The following CLVS1 variants were observed in gnomAD, a reference collection of about 807,000 sequenced individuals.
CLVS1 encodes the protein clavesin-1.
Under a neutral mutation model 33.1 loss-of-function variants are expected in CLVS1, and 10 were observed. The observed-to-expected ratio is 0.30, with a 90% CI of 0.19 to 0.51. The LOEUF is 0.51. Ranked by LOEUF, CLVS1 falls within the 20% of genes least tolerant of loss-of-function variation. The probability of loss-of-function intolerance (pLI) is 0.97; values close to 1 mark genes in which losing one functional copy is unlikely to be tolerated. For synonymous variants in CLVS1, 163 were observed against 166.1 expected, an observed-to-expected ratio of 0.98 and a Z score of 0.14; for missense variants, 343 against 433.4, an observed-to-expected ratio of 0.79 and a Z score of 1.85.
chr8:61,431,304 T>C (rs1457819173), intron 3 of CLVS1, among the ~76,000 whole-genome samples: 1 of 152,218 alleles, frequency 6.6e-6, no homozygotes, highest in Non-Finnish European at 1.5e-5. Context: ...ACAGATTTCT[T>C]GTGTAAGAGA....
intron 3 of CLVS1, among the ~76,000 whole-genome samples, chr8:61,425,810 A>T (rs1815869815): frequency 6.6e-6 from 1 of 152,206 alleles, no homozygotes; most frequent in East Asian, 1.9e-4. Context: ...GAGGGAGAGT[A>T]GACAGTTCCA....
rs570520181 is a variant in CLVS1 at position 61,280,155 on chromosome 8, CT to C, written c.-151-19518del. On this transcript the variant is annotated intron_variant, in intron 2 of 2. Transcript: ENST00000522621. ...ATCTTCTACATTAGATAAATTTGTTCTTTTGGAATTCAAAATGATGTCGAAT... is the reference window on the plus strand; with the variant it reads ...ATCTTCTACATTAGATAAATTTGTTCTTTGGAATTCAAAATGATGTCGAAT... 1.2e-4 allele frequency among the ~76,000 whole-genome samples: 18 copies of C among 152,234 alleles called. No individual in the cohort carries two copies. The South Asian group carries it at 3.5e-3, about 30-fold the overall frequency.
chr8:61,399,057 G>T (rs1430181459), intron 3 of CLVS1, among the ~76,000 whole-genome samples: 1 of 152,106 alleles, frequency 6.6e-6, no homozygotes, highest in East Asian at 1.9e-4. Flanking sequence ...ATTCCTTTGG[G>T]TATATACCCA....
intron 1 of CLVS1, among the ~76,000 whole-genome samples, chr8:61,073,969 G>A (rs1425508411): frequency 1.5e-5 from 2 of 136,116 alleles, no homozygotes; most frequent in African/African-American, 2.9e-5. Flanking sequence ...CCAAGATCGC[G>A]CCACTGCACT....
chr8:61,054,260 G>T (rs967943316), upstream of CLVS1, among the ~76,000 whole-genome samples: 7 of 152,220 alleles, frequency 4.6e-5, no homozygotes, highest in African/African-American at 1.7e-4. Context: ...AGCAGCCTCT[G>T]ACGCAGGCCT....
chr8:61,438,902 G>A (rs994404530), intron 3 of CLVS1, among the ~76,000 whole-genome samples: 1 of 152,156 alleles, frequency 6.6e-6, no homozygotes, highest in African/African-American at 2.4e-5. Context: ...TGCATACTAA[G>A]TGACCAGTAA....
rs572579385 is a variant in CLVS1, at chr8:61,305,254, T to C, written c.455+4972T>C. The stretch of plus-strand genomic sequence containing the variant: ...AAATATATATATATATAATTTAATA[T>C]CTTTTCCATTTTTTAGCGTACAGTT... On this transcript the variant is annotated intron_variant, in intron 2 of 5. Transcript: ENST00000325897. Among the ~76,000 whole-genome samples the C allele has an allele frequency of 5.7e-4, 87 of 152,128 alleles. 1 individual carries two copies. Among genetic ancestry groups the C allele is most frequent in the Middle Eastern group, 6.8e-3 (2 of 294 alleles).
At chr8:60,967,206 A>G in the CLVS1 span, among the ~76,000 whole-genome samples, 1 of 152,248 alleles carries the variant, frequency 6.6e-6, no homozygotes, top group South Asian at 2.1e-4. Flanking sequence ...TGGAACATGC[A>G]AGAGCATAGG....
chr8:61,025,368 T>C, the CLVS1 span, among the ~76,000 whole-genome samples: 1 of 152,258 alleles, frequency 6.6e-6, no homozygotes, highest in Non-Finnish European at 1.5e-5. Context: ...AAGATCATTC[T>C]ACTCTTCAAG....
intron 1 of CLVS1, among the ~76,000 whole-genome samples, chr8:61,067,414 G>T (rs1804702670): frequency 6.7e-6 from 1 of 148,362 alleles, no homozygotes; most frequent in Admixed American, 6.8e-5. Flanking sequence ...ATATATGTGA[G>T]TATATATACT....
intron 2 of CLVS1, among the ~76,000 whole-genome samples, chr8:61,304,333 G>A (rs1377625601): frequency 6.6e-6 from 1 of 152,238 alleles, no homozygotes; most frequent in Non-Finnish European, 1.5e-5. Context: ...GGTTCAACAT[G>A]GCAACCGAGG....
rs28410763 is a variant in CLVS1, at chr8:61,452,834, A to T, written c.631-1307A>T. The stretch of plus-strand genomic sequence containing the variant: ...AAATGTCTAGGTAGAGGAAAAAATT[A>T]TTTTTAAAGTTTTTCAAATGGCAAC... On this transcript the variant is annotated intron_variant, in intron 3 of 5. Coordinates refer to ENST00000325897, the MANE Select transcript of CLVS1 (RefSeq NM_173519.3). 6.2e-3 allele frequency among the ~76,000 whole-genome samples: 941 copies of T among 152,336 alleles called. 14 individuals are homozygous for T. Among genetic ancestry groups the T allele is most frequent in the African/African-American group, 0.021 (883 of 41,566 alleles).
At chr8:61,385,010 G>T (rs1291493817) in intron 3 of CLVS1, among the ~76,000 whole-genome samples, 2 of 152,086 alleles carry the variant, frequency 1.3e-5, no homozygotes, top group East Asian at 1.9e-4. Flanking sequence ...GGGTTGAAGT[G>T]GGGTAGAGAA....
rs1308792312 is a variant in CLVS1, at chr8:61,156,849, A to G, written c.-152+24989A>G. Among the ~76,000 whole-genome samples the G allele has an allele frequency of 2.0e-5, 3 of 152,010 alleles. No individual in the cohort carries two copies. The East Asian group carries it at 5.8e-4, about 29-fold the overall frequency. ...ATTTTGATTTAGGGCAGCATAAAAA[A>G]CTCTCAATGTATCTGTCCAGTGCTG... On this transcript the variant is annotated intron_variant, in intron 2 of 2. Coordinates refer to the CLVS1 transcript ENST00000522621.
chr8:61,014,449 G>A, the CLVS1 span, among the ~76,000 whole-genome samples: 1 of 152,132 alleles, frequency 6.6e-6, no homozygotes, highest in Admixed American at 6.5e-5. Context: ...GTGATATTTT[G>A]CTCTTTGGGA....
chr8:61,094,420 G>A (rs772162069), intron 1 of CLVS1, among the ~76,000 whole-genome samples: 32 of 152,244 alleles, frequency 2.1e-4, no homozygotes, highest in Non-Finnish European at 2.2e-4. Flanking sequence ...TGAATGCTTC[G>A]TGACATTGTA....
At chr8:61,476,194 CTGTAGCCT>C (rs1251116384) in intron 5 of CLVS1, among the ~76,000 whole-genome samples, 1 of 152,206 alleles carries the variant, frequency 6.6e-6, no homozygotes, top group Admixed American at 6.5e-5. Context: ...GATTTGGTTA[CTGTAGCCT>C]TGTAGCATAG....
chr8:61,441,809 G>A (rs930657726), intron 3 of CLVS1, among the ~76,000 whole-genome samples: 3 of 152,126 alleles, frequency 2.0e-5, no homozygotes, highest in South Asian at 2.1e-4. Flanking sequence ...AAGTACAAAC[G>A]AAGTGCCCAT....
At chr8:61,371,703 T>C (rs1180503626) in intron 2 of CLVS1, among the ~76,000 whole-genome samples, 1 of 152,224 alleles carries the variant, frequency 6.6e-6, no homozygotes, top group Non-Finnish European at 1.5e-5. Flanking sequence ...ACTTTCTCAT[T>C]GGTAAGAACT....
Sources: allele counts gnomAD v4.1 joint callset (sites outside exome capture counted in the v4.1 genomes callset), GRCh38; gene constraint gnomAD v4.1.1; transcripts MANE v1.5; gene names NCBI Gene and HGNC (gene_info 2026-07-23, HGNC 2026-07-21).